MGAT4C: variants seen among roughly 807,000 people sequenced by gnomAD.
MGAT4C encodes MGAT4 family member C.
Under a neutral mutation model 40.1 loss-of-function variants are expected in MGAT4C, and 19 were observed. The observed-to-expected ratio is 0.47, with a 90% CI of 0.33 to 0.70. The LOEUF (loss-of-function observed/expected upper bound fraction) is 0.70. MGAT4C is among the 30% of genes least tolerant of loss of function. The pLI, the probability that MGAT4C is intolerant of heterozygous loss-of-function variation, is 0.02. For synonymous variants in MGAT4C, 181 were observed against 187.1 expected (o/e 0.97, Z 0.27); for missense variants, 491 against 563.2 (o/e 0.87, Z 1.30).
At chr12:86,586,028 C>A (rs1961020561) in intron 2 of MGAT4C, among the ~76,000 whole-genome samples, 2 of 149,910 alleles carry the variant, frequency 1.3e-5, no homozygotes, top group East Asian at 2.0e-4. Flanking sequence ...TATACATGTG[C>A]CATGCTGGTG....
chr12:86,039,765 C>T (rs1592753068), intron 2 of MGAT4C, among the ~76,000 whole-genome samples: 1 of 152,120 alleles, frequency 6.6e-6, no homozygotes, highest in African/African-American at 2.4e-5. Context: ...TGTTCCCTTG[C>T]TAGCAGGGAG....
intron 2 of MGAT4C, among the ~76,000 whole-genome samples, chr12:86,603,651 A>T (rs1393115931): frequency 7.9e-6 from 1 of 126,462 alleles, no homozygotes; most frequent in Non-Finnish European, 1.6e-5. Flanking sequence ...AGTATATATT[A>T]TATAGTCTAT....
chr12:86,719,306 C>T (rs774394561), intron 2 of MGAT4C, among the ~76,000 whole-genome samples: 20 of 152,136 alleles, frequency 1.3e-4, no homozygotes, highest in Non-Finnish European at 2.5e-4. Flanking sequence ...GATCCATGCA[C>T]GTAAGAAGCT....
intron 2 of MGAT4C, among the ~76,000 whole-genome samples, chr12:86,007,174 A>G (rs1034883079): frequency 2.0e-5 from 3 of 152,204 alleles, no homozygotes; most frequent in Non-Finnish European, 2.9e-5. Flanking sequence ...AAATATACAG[A>G]TTAAAGGATA....
chr12:86,635,695 A>G (rs559565315), intron 2 of MGAT4C, among the ~76,000 whole-genome samples: 142 of 150,386 alleles, frequency 9.4e-4, no homozygotes, highest in African/African-American at 3.3e-3. Context: ...GTATGTTAAG[A>G]TAGGATCTTG....
chr12:86,093,512 T>C (rs2135575792), intron 1 of MGAT4C, among the ~76,000 whole-genome samples: 1 of 152,184 alleles, frequency 6.6e-6, no homozygotes, highest in South Asian at 2.1e-4. Flanking sequence ...GTGGATCACC[T>C]GAGCTCAGGA....
intron 1 of MGAT4C, among the ~76,000 whole-genome samples, chr12:86,088,016 TG>T (rs1490898532): frequency 6.6e-6 from 1 of 151,942 alleles, no homozygotes; most frequent in East Asian, 1.9e-4. Context: ...AACATGGGAC[TG>T]GTACAAAAAC....
chr12:86,189,222 A>G (rs1042730265), intron 1 of MGAT4C, among the ~76,000 whole-genome samples: 1 of 152,012 alleles, frequency 6.6e-6, no homozygotes, highest in Non-Finnish European at 1.5e-5. Context: ...AACCCATTTT[A>G]GAGGAGAATT....
At position 86,096,534 on chromosome 12, in the gene MGAT4C, C is replaced by T. The variant is rs577980197; in HGVS notation, c.-56-46811G>A. Among the ~76,000 whole-genome samples the T allele has an allele frequency of 2.0e-5, 3 of 150,934 alleles. No homozygotes were observed. In the South Asian group the frequency reaches 6.3e-4, roughly 32 times the overall value. ...CACTCTTGTGTTTCTTCAAGTTTTA[C>T]CTTCACTTGTGAAATATTTTTCTAA... On this transcript the variant is annotated intron_variant, in intron 1 of 4. Transcript: ENST00000611864.
intron 1 of MGAT4C, among the ~76,000 whole-genome samples, chr12:86,134,242 A>G (rs1881635898): frequency 6.6e-6 from 1 of 152,120 alleles, no homozygotes; most frequent in East Asian, 1.9e-4. Context: ...ATTTTATTTG[A>G]TTAACCAGTA....
chr12:86,806,449 T>TGAGAGA (rs1555231911), intron 1 of MGAT4C, among the ~76,000 whole-genome samples: 159 of 150,060 alleles, frequency 1.1e-3, no homozygotes, highest in South Asian at 4.4e-3. Context: ...TGTGTGTGTG[T>TGAGAGA]GAGAGAGAGA....
chr12:86,446,669 A>ATATC (rs1957342719), intron 2 of MGAT4C, among the ~76,000 whole-genome samples: 1 of 105,060 alleles, frequency 9.5e-6, no homozygotes, highest in African/African-American at 3.8e-5. Context: ...ATATATATAT[A>ATATC]TATATATATA....
chr12:86,110,289 A>AGTC (rs1444678247), intron 1 of MGAT4C, among the ~76,000 whole-genome samples: 988 of 22,224 alleles, frequency 0.044, 40 homozygotes, highest in East Asian at 0.21. Context: ...GTCTATATAT[A>AGTC]TATAGTCTCT....
chr12:86,736,975 G>A (rs1428826917), intron 1 of MGAT4C, among the ~76,000 whole-genome samples: 1 of 147,904 alleles, frequency 6.8e-6, no homozygotes, highest in Non-Finnish European at 1.5e-5. Flanking sequence ...CCCATCAACT[G>A]GATCATATCC....
intron 2 of MGAT4C, among the ~76,000 whole-genome samples, chr12:86,448,349 T>G (rs144528153): frequency 2.6e-5 from 4 of 152,306 alleles, no homozygotes; most frequent in African/African-American, 9.6e-5. Flanking sequence ...GTTAGTTTCC[T>G]GGAAATCTTA....
intron 1 of MGAT4C, among the ~76,000 whole-genome samples, chr12:86,124,436 G>T (rs1879926712): frequency 6.6e-6 from 1 of 152,118 alleles, no homozygotes; most frequent in Admixed American, 6.6e-5. Context: ...CGCATTCTAA[G>T]AATTTTAAGG....
intron 1 of MGAT4C, among the ~76,000 whole-genome samples, chr12:86,052,051 A>T (rs1176534304): frequency 1.3e-5 from 2 of 151,798 alleles, no homozygotes; most frequent in African/African-American, 4.8e-5. Flanking sequence ...CTAATATTCA[A>T]ATATCTCATA....
intron 2 of MGAT4C, among the ~76,000 whole-genome samples, chr12:86,500,814 C>T (rs528619381): frequency 6.6e-6 from 1 of 151,730 alleles, no homozygotes; most frequent in Non-Finnish European, 1.5e-5. Flanking sequence ...AATATAAACA[C>T]AAAAATCTGA....
At chr12:86,430,712 G>A (rs1354119686) in intron 3 of MGAT4C, among the ~76,000 whole-genome samples, 3 of 152,084 alleles carry the variant, frequency 2.0e-5, no homozygotes, top group Non-Finnish European at 2.9e-5. Context: ...AAGGTTAGGT[G>A]GAGTCATTAC....
Sources: gnomAD v4.1 joint callset for allele counts (sites outside exome capture counted in the v4.1 genomes callset) on GRCh38, gnomAD v4.1.1 for gene constraint, MANE v1.5 for transcripts, NCBI Gene and HGNC (gene_info 2026-07-23, HGNC 2026-07-21) for gene names.